SPATA31H1: variants seen among roughly 807,000 people sequenced by gnomAD.
The protein encoded by SPATA31H1 is spermatogenesis-associated protein 31H1.
At chr2:27,550,565 A>C in the SPATA31H1 span, among the ~76,000 whole-genome samples, 2 of 151,300 alleles carry the variant, frequency 1.3e-5, no homozygotes, top group Admixed American at 1.3e-4. Context: ...ATTACAGGCA[A>C]GTGCCACCAG....
the SPATA31H1 span, among the ~76,000 whole-genome samples, chr2:27,552,137 G>A: frequency 3.9e-5 from 6 of 152,112 alleles, no homozygotes; most frequent in South Asian, 1.2e-3. Context: ...TGAACAAACA[G>A]CTGGGCACAT....
chr2:27,550,473 C>A, the SPATA31H1 span, among the ~76,000 whole-genome samples: 2 of 131,856 alleles, frequency 1.5e-5, no homozygotes, highest in African/African-American at 6.0e-5. Flanking sequence ...GGCTGGAGTG[C>A]AGTGGTGCAA....
At chr2:27,537,607 C>A in the SPATA31H1 span, 2 of 711,696 alleles carry the variant, frequency 2.8e-6, no homozygotes, top group Non-Finnish European at 5.2e-6. Context: ...CTAACTGGTC[C>A]CGCTCCTGAG....
chr2:27,575,664 T>G, the SPATA31H1 span: 1 of 398,366 alleles, frequency 2.5e-6, no homozygotes, highest in South Asian at 1.3e-4. This position sits in a 1 kb window ranked among gnomAD's most constrained non-coding sequence, Gnocchi z 4.1. Context: ...ACCACATCAG[T>G]GTGTAAATTC....
the SPATA31H1 span, chr2:27,581,391 C>A: frequency 6.2e-7 from 1 of 1,613,792 alleles, no homozygotes; most frequent in South Asian, 1.1e-5. Flanking sequence ...GAGAAGCTGG[C>A]GCAGTCCGTC....
chr2:27,554,041 A>T, the SPATA31H1 span, among the ~76,000 whole-genome samples: 1 of 152,122 alleles, frequency 6.6e-6, no homozygotes, highest in African/African-American at 2.4e-5. Context: ...CCACTTTATA[A>T]GGACCACCAT....
the SPATA31H1 span, among the ~76,000 whole-genome samples, chr2:27,548,607 C>CAAA: frequency 3.8e-3 from 454 of 120,268 alleles, 8 homozygotes; most frequent in East Asian, 0.05. Flanking sequence ...GGCCCTGTTT[C>CAAA]AAAAAAAAAA....
At chr2:27,580,967 T>C in the SPATA31H1 span, 2 of 1,614,086 alleles carry the variant, frequency 1.2e-6, no homozygotes, top group Non-Finnish European at 1.7e-6. Flanking sequence ...GTGGTATTGC[T>C]TTCCAAACTG....
the SPATA31H1 span, among the ~76,000 whole-genome samples, chr2:27,544,030 C>T: frequency 5.3e-5 from 8 of 151,918 alleles, no homozygotes; most frequent in Non-Finnish European, 1.0e-4. Flanking sequence ...GAACAAAGGC[C>T]TGGCTACCTT....
chr2:27,576,806 A>G, the SPATA31H1 span: 1 of 1,614,110 alleles, frequency 6.2e-7, no homozygotes, highest in South Asian at 1.1e-5. Context: ...AACATGTGAA[A>G]TTATCTTCAG....
the SPATA31H1 span, among the ~76,000 whole-genome samples, chr2:27,552,538 T>C: frequency 6.6e-6 from 1 of 152,086 alleles, no homozygotes; most frequent in East Asian, 1.9e-4. Context: ...TCCAACTTTG[T>C]TCTTTTTCAA....
chr2:27,544,474 T>C, the SPATA31H1 span, among the ~76,000 whole-genome samples: 1 of 151,878 alleles, frequency 6.6e-6, no homozygotes, highest in Non-Finnish European at 1.5e-5. Flanking sequence ...TATTCTTGTG[T>C]GTCTGACTTC....
the SPATA31H1 span, among the ~76,000 whole-genome samples, chr2:27,556,174 T>A: frequency 6.6e-6 from 1 of 151,118 alleles, no homozygotes; most frequent in Admixed American, 6.6e-5. Flanking sequence ...GTGTTGGTAT[T>A]CAGCATTCTG....
chr2:27,571,152 A>G, the SPATA31H1 span: 1 of 398,504 alleles, frequency 2.5e-6, no homozygotes, highest in East Asian at 3.6e-5. Flanking sequence ...TATGCAGTTA[A>G]CACCAGAGCC....
the SPATA31H1 span, among the ~76,000 whole-genome samples, chr2:27,548,998 C>T: frequency 3.9e-4 from 57 of 146,470 alleles, no homozygotes; most frequent in Non-Finnish European, 6.8e-4. Context: ...TGCTTGAACC[C>T]AGGAGGCGGA....
At chr2:27,573,530 T>C in the SPATA31H1 span, 2 of 398,336 alleles carry the variant, frequency 5.0e-6, no homozygotes, top group Non-Finnish European at 8.9e-6. Flanking sequence ...TCCAGGAACA[T>C]CAGTTGCCAG....
the SPATA31H1 span, among the ~76,000 whole-genome samples, chr2:27,557,957 A>G: frequency 2.1e-3 from 2 of 950 alleles, no homozygotes; most frequent in Non-Finnish European, 3.2e-3. Context: ...CTGGCCAGGC[A>G]GAGGGGCTCC....
chr2:27,572,384 G>A, the SPATA31H1 span: 1 of 398,388 alleles, frequency 2.5e-6, no homozygotes, highest in East Asian at 3.6e-5. Context: ...AATCTGTAGG[G>A]TTAAATCTTG....
the SPATA31H1 span, chr2:27,581,015 C>CAGT: frequency 1.2e-6 from 2 of 1,614,138 alleles, no homozygotes; most frequent in Non-Finnish European, 1.7e-6. Flanking sequence ...TTCAAAAGGA[C>CAGT]AGTAGTAGCA....
Sources: allele counts gnomAD v4.1 joint callset (sites outside exome capture counted in the v4.1 genomes callset), GRCh38; gene constraint gnomAD v4.1.1; non-coding constraint Gnocchi (gnomAD v3.1); transcripts MANE v1.5; gene names NCBI Gene and HGNC (gene_info 2026-07-23, HGNC 2026-07-21).